The following COMMD1 variants were observed in gnomAD, a reference collection of about 807,000 sequenced individuals.
COMMD1 encodes the protein COMM domain-containing protein 1.
In COMMD1, 10 loss-of-function variants were observed where a neutral mutation model predicts 17.2. That is an observed-to-expected ratio of 0.58 (90% CI 0.36 to 0.99). The LOEUF is 0.99. COMMD1 is among the 50% of genes least tolerant of loss of function. The pLI is 0.01. For synonymous variants in COMMD1, 97 were observed against 91.6 expected, an observed-to-expected ratio of 1.06 and a Z score of -0.34; for missense variants, 270 against 231.8, an observed-to-expected ratio of 1.17 and a Z score of -1.07.
chr2:62,119,453 A>G (rs1008949799), intron 2 of COMMD1, among the ~76,000 whole-genome samples: 2 of 152,022 alleles, frequency 1.3e-5, no homozygotes, highest in Non-Finnish European at 2.9e-5. Flanking sequence ...AATCCTCACA[A>G]CCCATACAAC....
intron 1 of COMMD1, among the ~76,000 whole-genome samples, chr2:61,955,909 A>T (rs964996759): frequency 3.3e-5 from 5 of 151,742 alleles, no homozygotes; most frequent in African/African-American, 9.7e-5. Flanking sequence ...CTGGTCTTGA[A>T]CTCCTGACCT....
chr2:62,075,526 T>C (rs1001262697), intron 2 of COMMD1, among the ~76,000 whole-genome samples: 2 of 152,226 alleles, frequency 1.3e-5, no homozygotes, highest in Admixed American at 1.3e-4. Context: ...GCTGTCTCAA[T>C]TATCTCTGGA....
At chr2:62,078,809 G>A (rs1270147797) in intron 2 of COMMD1, among the ~76,000 whole-genome samples, 1 of 151,640 alleles carries the variant, frequency 6.6e-6, no homozygotes, top group Non-Finnish European at 1.5e-5. Context: ...CCCGGGAGGC[G>A]GAGGTTGCAG....
intron 2 of COMMD1, among the ~76,000 whole-genome samples, chr2:62,062,260 C>T (rs1179099219): frequency 6.7e-6 from 1 of 149,710 alleles, no homozygotes; most frequent in African/African-American, 2.5e-5. Flanking sequence ...GAGTTTCGCT[C>T]TTGTTGCCCA....
At position 62,000,931 on chromosome 2, in the gene COMMD1, A is replaced by C. The variant is rs1175992085; in HGVS notation, c.411A>C (p.Gln137His). 10 of 1,614,042 alleles carry C rather than the reference A, an allele frequency of 6.2e-6. No homozygotes were observed. The highest frequency in any genetic ancestry group is 8.5e-6 in the Non-Finnish European group (10 of 1,180,034). The stretch of plus-strand genomic sequence containing the variant: ...AGTCTCAGTCAAGGCACTCAGCTCA[A>C]ATACACACACCTGTTGCCATTATAG... Reference protein sequence around the residue: ...DGKSQSRHSAQIHTPVAIIEL... With the variant: ...DGKSQSRHSAHIHTPVAIIEL... Residue 137 changes from glutamine (Q) to histidine (H), a missense_variant, in exon 2 of 3, where the codon CAA becomes CAC. Gln to His is a conservative substitution (Grantham distance 24, BLOSUM62 0). Transcript: ENST00000311832.
intron 2 of COMMD1, among the ~76,000 whole-genome samples, chr2:62,058,606 G>A (rs961240659): frequency 6.6e-6 from 1 of 151,888 alleles, no homozygotes; most frequent in Non-Finnish European, 1.5e-5. Flanking sequence ...AGGCATGATG[G>A]TGCACTCGTG....
At chr2:61,946,843 A>G (rs868202028) in intron 1 of COMMD1, among the ~76,000 whole-genome samples, 1 of 152,120 alleles carries the variant, frequency 6.6e-6, no homozygotes, top group African/African-American at 2.4e-5. Flanking sequence ...TTCTGGAACA[A>G]CCTTTCAACA....
At chr2:62,039,927 A>G (rs1021622240) in intron 2 of COMMD1, among the ~76,000 whole-genome samples, 3 of 152,188 alleles carry the variant, frequency 2.0e-5, no homozygotes, top group Admixed American at 6.5e-5. Context: ...ATAGCTAGCA[A>G]TCCCTTTGAT....
chr2:61,902,165 G>C (rs577962446), upstream of COMMD1, among the ~76,000 whole-genome samples: 3 of 150,228 alleles, frequency 2.0e-5, no homozygotes, highest in Admixed American at 6.6e-5. Context: ...GAAAATATTT[G>C]CATGTAGGTA....
chr2:61,925,521 G>A (rs895756471), intron 1 of COMMD1, among the ~76,000 whole-genome samples: 5 of 152,124 alleles, frequency 3.3e-5, no homozygotes, highest in African/African-American at 4.8e-5. Flanking sequence ...TGCTTCCTAC[G>A]ACCTCCCCCT....
intron 2 of COMMD1, among the ~76,000 whole-genome samples, chr2:62,036,291 T>C (rs1230562366): frequency 6.6e-6 from 1 of 152,222 alleles, no homozygotes; most frequent in Non-Finnish European, 1.5e-5. Context: ...GGACATTGTT[T>C]TATCATATCC....
chr2:62,003,179 G>C (rs992874680), intron 2 of COMMD1, among the ~76,000 whole-genome samples: 2 of 151,696 alleles, frequency 1.3e-5, no homozygotes, highest in Non-Finnish European at 2.9e-5. Context: ...GTTGCTGTCA[G>C]CCGAGATGGT....
At chr2:61,981,871 A>T (rs1671963397) in intron 1 of COMMD1, among the ~76,000 whole-genome samples, 1 of 152,134 alleles carries the variant, frequency 6.6e-6, no homozygotes, top group Admixed American at 6.5e-5. Context: ...ACACAGCCAA[A>T]CCATATCAGT....
At chr2:61,981,865 A>G (rs1169560188) in intron 1 of COMMD1, among the ~76,000 whole-genome samples, 1 of 152,204 alleles carries the variant, frequency 6.6e-6, no homozygotes, top group Admixed American at 6.5e-5. Context: ...ATGGGGACAC[A>G]GCCAAACCAT....
chr2:61,931,084 G>A (rs569507959), intron 1 of COMMD1, among the ~76,000 whole-genome samples: 1 of 152,164 alleles, frequency 6.6e-6, no homozygotes, highest in East Asian at 1.9e-4. Context: ...GGCTGATGCA[G>A]GAGGATCACT....
chr2:62,065,297 T>C (rs936238989), intron 2 of COMMD1, among the ~76,000 whole-genome samples: 3 of 150,500 alleles, frequency 2.0e-5, no homozygotes, highest in Non-Finnish European at 4.4e-5. Flanking sequence ...CAGGTCACCA[T>C]GACTCAGTAA....
intron 2 of COMMD1, among the ~76,000 whole-genome samples, chr2:62,038,054 C>T (rs1046629968): frequency 1.3e-5 from 2 of 151,966 alleles, no homozygotes; most frequent in African/African-American, 4.8e-5. Flanking sequence ...TTTGAGAGGC[C>T]GAGATGGGAG....
At chr2:61,905,978 T>A in intron 1 of COMMD1, 120 bp downstream of exon 1, 1 of 967,334 alleles carries the variant, frequency 1.0e-6, no homozygotes, top group Non-Finnish European at 1.6e-6. Context: ...CTCTCAGACC[T>A]CCACTCCGTG....
intron 2 of COMMD1, chr2:62,118,316 G>C (rs1672657226): frequency 6.6e-6 from 1 of 152,174 alleles, no homozygotes; most frequent in Admixed American, 6.5e-5. Context: ...TCTAAACTGG[G>C]AAACACATTG....
Sources: gnomAD v4.1 joint callset for allele counts (sites outside exome capture counted in the v4.1 genomes callset) on GRCh38, gnomAD v4.1.1 for gene constraint, MANE v1.5 for transcripts, NCBI Gene and HGNC (gene_info 2026-07-23, HGNC 2026-07-21) for gene names.